The following TBC1D30 variants were observed in gnomAD, a reference collection of about 807,000 sequenced individuals.
TBC1D30 encodes TBC1 domain family, member 30.
In TBC1D30, 31 loss-of-function variants were observed where a neutral mutation model predicts 63.2. The observed-to-expected ratio is 0.49, with a 90% CI of 0.37 to 0.66. The LOEUF is 0.66. Ranked by LOEUF, TBC1D30 falls within the 30% of genes least tolerant of loss-of-function variation. TBC1D30 has a pLI of 0.00. For missense variants in TBC1D30, 810 were observed against 953.6 expected, an observed-to-expected ratio of 0.85 and a Z score of 1.98; for synonymous variants, 307 against 361.5, an observed-to-expected ratio of 0.85 and a Z score of 1.71.
At chr12:64,852,148 G>A (rs557386442) in intron 8 of TBC1D30, among the ~76,000 whole-genome samples, 3 of 152,222 alleles carry the variant, frequency 2.0e-5, no homozygotes, top group Admixed American at 1.3e-4. Context: ...TCACTTTCAG[G>A]TACACCACTC....
At chr12:64,808,412 G>A (rs1208297262) in intron 2 of TBC1D30, among the ~76,000 whole-genome samples, 3 of 152,152 alleles carry the variant, frequency 2.0e-5, no homozygotes, top group Admixed American at 2.0e-4. Flanking sequence ...TGCCGTGCCT[G>A]TCTCAATGCT....
chr12:64,867,250 G>C (rs549777031), intron 10 of TBC1D30, among the ~76,000 whole-genome samples: 51 of 152,050 alleles, frequency 3.4e-4, no homozygotes, highest in Admixed American at 1.3e-4. Flanking sequence ...TGCATCATGA[G>C]GTCAGGAGTT....
chr12:64,836,475 T>C lies in TBC1D30; in HGVS notation c.595-15T>C. The stretch of plus-strand genomic sequence containing the variant: ...TTTTACAAAGCAGTCTTAAGCTTTA[T>C]CTTTTTTTCTTTAGATTATGATTTA... On this transcript the variant is annotated splice_polypyrimidine_tract_variant and intron_variant, in intron 5 of 11. Transcript: ENST00000539867. The C allele has an allele frequency of 6.5e-7, 1 of 1,530,750 alleles. No homozygotes were observed. The highest frequency in any genetic ancestry group is 8.7e-7 in the Non-Finnish European group (1 of 1,143,248). The allele number at this position is 1,530,750 out of a possible 1,614,324, so 94.8% of individuals were successfully genotyped here.
chr12:64,765,517 AAAATT>A (rs1870678678), intron 1 of TBC1D30, among the ~76,000 whole-genome samples: 2 of 148,662 alleles, frequency 1.3e-5, no homozygotes, highest in Non-Finnish European at 3.0e-5. Flanking sequence ...AAAAAAAAAA[AAAATT>A]ACTATATAGG....
At chr12:64,846,840 A>AT (rs1382036291) in intron 8 of TBC1D30, among the ~76,000 whole-genome samples, 1 of 142,900 alleles carries the variant, frequency 7.0e-6, no homozygotes, top group Non-Finnish European at 1.5e-5. Context: ...GTATCTTCCC[A>AT]TTTTTTTGTG....
rs73121463 is a variant in TBC1D30 at position 64,791,364 on chromosome 12, C to T, written c.643+5319C>T. On this transcript the variant is annotated intron_variant, in intron 2 of 12. Transcript: ENST00000542120. Reference sequence around the variant, plus strand: ...TGGTGATGGTTGTACAATTTTATGGCATGTGAATTATATAAAATATGATAA... The same window carrying T: ...TGGTGATGGTTGTACAATTTTATGGTATGTGAATTATATAAAATATGATAA... 8.1e-3 allele frequency among the ~76,000 whole-genome samples: 1,230 copies of T among 152,092 alleles called. 5 individuals are homozygous for T. The highest frequency in any genetic ancestry group is 0.014 in the Non-Finnish European group (921 of 67,984).
At chr12:64,798,687 CAG>C (rs1264076996) in intron 2 of TBC1D30, among the ~76,000 whole-genome samples, 1 of 152,028 alleles carries the variant, frequency 6.6e-6, no homozygotes, top group Non-Finnish European at 1.5e-5. Flanking sequence ...AATGGGAGCT[CAG>C]AGTGTTCTCT....
In TBC1D30 at chr12:64,856,503, C is replaced by T. The variant is rs111817357; in HGVS notation, c.1039-8165C>T. Among the ~76,000 whole-genome samples, 3 of 152,190 alleles carry T rather than the reference C, an allele frequency of 2.0e-5. 1 individual carries two copies. Among genetic ancestry groups the T allele is most frequent in the Admixed American group, 2.0e-4 (3 of 15,302 alleles). On this transcript the variant is annotated intron_variant, in intron 8 of 11. Transcript: ENST00000539867. ...TTCTCTGGATTACCAGGCAGAGACT[C>T]ATTCTTTTCCTTTAATTTCTCTGAA...
intron 1 of TBC1D30, among the ~76,000 whole-genome samples, chr12:64,782,294 TAA>T (rs60553568): frequency 4.9e-5 from 7 of 141,856 alleles, no homozygotes; most frequent in African/African-American, 7.7e-5. Flanking sequence ...CTCACTGTAT[TAA>T]AAAAAAAAAA....
intron 8 of TBC1D30, among the ~76,000 whole-genome samples, chr12:64,852,906 C>G (rs1249268074): frequency 2.0e-5 from 3 of 152,160 alleles, no homozygotes; most frequent in Non-Finnish European, 2.9e-5. Flanking sequence ...CAGAGCTCTC[C>G]TCTATGAGGT....
intron 1 of TBC1D30, among the ~76,000 whole-genome samples, chr12:64,760,747 A>C (rs190246949): frequency 2.0e-5 from 3 of 151,782 alleles, no homozygotes; most frequent in East Asian, 1.9e-4. Flanking sequence ...AAAAAAAAAA[A>C]CTCGTGAAAA....
At chr12:64,819,238 T>C (rs781342099) in intron 2 of TBC1D30, among the ~76,000 whole-genome samples, 3 of 152,054 alleles carry the variant, frequency 2.0e-5, no homozygotes, top group Non-Finnish European at 2.9e-5. Context: ...ATCATATAAA[T>C]AGAAAATGTC....
Position 64,875,770 on chromosome 12 carries a change from T to G in TBC1D30, c.2268T>G (p.Ser756Arg). 6.5e-7 allele frequency: 1 copy of G among 1,530,634 alleles called. No individual in the cohort carries two copies. The highest frequency in any genetic ancestry group is 2.4e-5 in the East Asian group (1 of 40,826). 94.8% of individuals were successfully genotyped at this position (1,530,634 alleles called of 1,614,324 possible). A position where few individuals can be genotyped will look rare whatever the true frequency, so the allele number is the denominator to read the frequency against. Residue 756 changes from serine to arginine, a missense_variant, in exon 12 of 12, where the codon AGT becomes AGG. Transcript: ENST00000539867. ...TCAGCAAACCCGGCGGTGGAAACAG[T>G]GGCACTAAAAAACGATGATGTCTCC... The part of the protein sequence containing the change: ...RSFSKPGGGN[S>R]GTKKR
In TBC1D30 at chr12:64,829,175, G is replaced by C. The variant is rs540773511; in HGVS notation, c.282+666G>C. Among the ~76,000 whole-genome samples, 5 of 152,290 alleles carry C rather than the reference G, an allele frequency of 3.3e-5. No homozygotes were observed. The East Asian group carries it at 9.6e-4, about 29-fold the overall frequency. On this transcript the variant is annotated intron_variant, in intron 3 of 11. Transcript: ENST00000539867. ...CTCAGTGTGAGCTAGGAAGCACTGG[G>C]AAGTTTTGAGCAGGGGAGTGACATG... is the stretch of plus-strand genomic sequence containing the variant.
At chr12:64,836,731 A>G in intron 6 of TBC1D30, 73 bp downstream of exon 6, 1 of 1,307,916 alleles carries the variant, frequency 7.6e-7, no homozygotes, top group South Asian at 1.7e-5. Flanking sequence ...GAGCCTAAAC[A>G]TTGAATGGAA....
intron 1 of TBC1D30, among the ~76,000 whole-genome samples, chr12:64,784,424 G>A (rs1871445693): frequency 6.6e-6 from 1 of 151,882 alleles, no homozygotes; most frequent in Admixed American, 6.6e-5. Context: ...TCTCTAGAGT[G>A]CATTTCTACT....
At chr12:64,838,656 G>C in intron 6 of TBC1D30, 27 bp from the exon 7 acceptor site, 1 of 1,535,606 alleles carries the variant, frequency 6.5e-7, no homozygotes. Context: ...AGTTCTGAAG[G>C]AATTGAATGT....
At chr12:64,818,035 C>G (rs1295598185) in intron 2 of TBC1D30, among the ~76,000 whole-genome samples, 1 of 148,414 alleles carries the variant, frequency 6.7e-6, no homozygotes, top group Admixed American at 6.8e-5. Flanking sequence ...TGTACTCCAG[C>G]CTGGGCAACA....
Position 64,798,129 on chromosome 12 carries a change from A to T in TBC1D30, c.643+12084A>T, listed in dbSNP as rs533375735. Among the ~76,000 whole-genome samples, 154 of 152,358 alleles carry T rather than the reference A, an allele frequency of 1.0e-3. 1 individual carries two copies. The highest frequency in any genetic ancestry group is 3.4e-3 in the African/African-American group (143 of 41,576). ...GTTAAATGTGTACATGTATATATGT[A>T]ATTGTTTATAAATTCAAAAGTTCTG... On this transcript the variant is annotated intron_variant, in intron 2 of 12. Coordinates refer to the TBC1D30 transcript ENST00000542120.
Sources: allele counts gnomAD v4.1 joint callset (sites outside exome capture counted in the v4.1 genomes callset), GRCh38; gene constraint gnomAD v4.1.1; transcripts MANE v1.5; gene names NCBI Gene and HGNC (gene_info 2026-07-23, HGNC 2026-07-21).